Variants in ADCY1 observed in about 807,000 individuals in gnomAD.
The protein encoded by ADCY1 is adenylate cyclase 1.
A neutral mutation model predicts 105.4 loss-of-function variants in ADCY1; 28 were observed. The observed-to-expected ratio is 0.27, with a 90% CI of 0.20 to 0.36. The LOEUF (loss-of-function observed/expected upper bound fraction) is 0.36, where lower values mean the gene tolerates loss of function less well. Among genes scored for constraint, ADCY1 ranks in the 10% least tolerant of loss-of-function variants. ADCY1 has a pLI of 1.00. For missense variants in ADCY1, 977 were observed against 1,434.2 expected (o/e 0.68, Z 5.15); for synonymous variants, 655 against 623.8 (o/e 1.05, Z -0.75).
At chr7:45,633,534 T>C (rs1197753819) in intron 4 of ADCY1, among the ~76,000 whole-genome samples, 3 of 152,114 alleles carry the variant, frequency 2.0e-5, no homozygotes, top group African/African-American at 4.8e-5. Context: ...CCCGGCACGG[T>C]GGCTCATGCC....
intron 17 of ADCY1, among the ~76,000 whole-genome samples, chr7:45,707,972 A>C (rs909963343): frequency 6.6e-6 from 1 of 152,248 alleles, no homozygotes; most frequent in Non-Finnish European, 1.5e-5. Context: ...ATGTAGCCTC[A>C]ATCTCAAGGA....
intron 5 of ADCY1, among the ~76,000 whole-genome samples, chr7:45,649,159 A>G (rs903751524): frequency 3.9e-5 from 6 of 152,194 alleles, no homozygotes; most frequent in South Asian, 2.1e-4. Context: ...ATTCTCTATT[A>G]AAAGGAAGTA....
intron 11 of ADCY1, among the ~76,000 whole-genome samples, chr7:45,680,149 G>T (rs1232603191): frequency 1.3e-5 from 2 of 152,182 alleles, no homozygotes; most frequent in African/African-American, 4.8e-5. Flanking sequence ...GTACCTGGTG[G>T]GCACAATAGA....
chr7:45,636,156 T>A (rs1367745132), intron 4 of ADCY1, among the ~76,000 whole-genome samples: 1 of 152,228 alleles, frequency 6.6e-6, no homozygotes, highest in Non-Finnish European at 1.5e-5. Flanking sequence ...CTTTGACTAT[T>A]GTCAGAAAGA....
chr7:45,614,050 C>T (rs946824276), intron 3 of ADCY1, among the ~76,000 whole-genome samples: 1 of 152,082 alleles, frequency 6.6e-6, no homozygotes, highest in Admixed American at 6.6e-5. Flanking sequence ...TGCAAAACAA[C>T]AACACAATAG....
chr7:45,643,063 T>A (rs1475701472), intron 4 of ADCY1, among the ~76,000 whole-genome samples: 1 of 151,978 alleles, frequency 6.6e-6, no homozygotes, highest in African/African-American at 2.4e-5. Context: ...GGTGTTAAAT[T>A]TCCTATTTTG....
intron 8 of ADCY1, among the ~76,000 whole-genome samples, chr7:45,663,021 G>A (rs1795173922): frequency 6.6e-6 from 1 of 152,222 alleles, no homozygotes; most frequent in African/African-American, 2.4e-5. Flanking sequence ...TCAAAGGGTG[G>A]TGACAGGGCA....
At chr7:45,679,264 A>G (rs1784514834) in intron 10 of ADCY1, among the ~76,000 whole-genome samples, 1 of 152,224 alleles carries the variant, frequency 6.6e-6, no homozygotes, top group Admixed American at 6.5e-5. Flanking sequence ...CCCAGCCCAC[A>G]GACACTGAAC....
intron 2 of ADCY1, among the ~76,000 whole-genome samples, chr7:45,608,910 C>T (rs1167338796): frequency 6.6e-6 from 1 of 152,140 alleles, no homozygotes; most frequent in Non-Finnish European, 1.5e-5. Flanking sequence ...ACCTCCAGGC[C>T]ACAGACTCCG....
At chr7:45,599,537 C>T (rs934075135) in intron 2 of ADCY1, among the ~76,000 whole-genome samples, 8 of 151,494 alleles carry the variant, frequency 5.3e-5, no homozygotes, top group African/African-American at 1.2e-4. Flanking sequence ...AGGAAGATGC[C>T]GGAGCTGGTT....
At chr7:45,596,141 T>G (rs566763793) in intron 2 of ADCY1, among the ~76,000 whole-genome samples, 1 of 152,350 alleles carries the variant, frequency 6.6e-6, no homozygotes, top group East Asian at 1.9e-4. Context: ...GCCTCATGTG[T>G]GTCAGCATGA....
Position 45,589,820 on chromosome 7 carries a change from G to C in ADCY1, c.640-2939G>C, listed in dbSNP as rs112860872. Among the ~76,000 whole-genome samples the C allele has an allele frequency of 2.8e-4, 43 of 152,092 alleles. No homozygotes were observed. In the South Asian group the frequency reaches 8.1e-3, roughly 29 times the overall value. ...TTTTTTTGAAGGGAGGCAGTGCCCA[G>C]CTCCTAGAGGAGTGGGTTGTTTGAT... On this transcript the variant is annotated intron_variant, in intron 1 of 19. Transcript: ENST00000297323.
At chr7:45,701,264 A>G (rs1039762580) in intron 14 of ADCY1, among the ~76,000 whole-genome samples, 1 of 152,170 alleles carries the variant, frequency 6.6e-6, no homozygotes, top group Non-Finnish European at 1.5e-5. Context: ...TAAGTGGCAC[A>G]GGGAAAGACA....
chr7:45,650,919 G>A (rs867258509), intron 5 of ADCY1, among the ~76,000 whole-genome samples: 1 of 152,134 alleles, frequency 6.6e-6, no homozygotes, highest in African/African-American at 2.4e-5. Flanking sequence ...TCCACTTTCT[G>A]GTTCACTTGC....
chr7:45,618,856 T>TG lies in ADCY1; in HGVS notation c.909-3776_909-3775insG, dbSNP rs1305862913. On this transcript the variant is annotated intron_variant, in intron 3 of 19. Coordinates refer to ENST00000297323, the MANE Select transcript of ADCY1 (RefSeq NM_021116.4). Reference sequence around the variant, plus strand: ...CTATCATATGATCCAGCAATCCCAGTACTGGGTATATATCCAAAGGGAAAT... The same window carrying TG: ...CTATCATATGATCCAGCAATCCCAGTGACTGGGTATATATCCAAAGGGAAAT... Among the ~76,000 whole-genome samples, 29 of 152,208 alleles carry TG rather than the reference T, an allele frequency of 1.9e-4. 1 individual carries two copies. Among genetic ancestry groups the TG allele is most frequent in the Admixed American group, 1.9e-3 (29 of 15,284 alleles).
chr7:45,644,159 C>T (rs1041444543), intron 4 of ADCY1, among the ~76,000 whole-genome samples: 5 of 152,190 alleles, frequency 3.3e-5, no homozygotes, highest in African/African-American at 4.8e-5. Flanking sequence ...CTCCTTCTCC[C>T]AGGTATCTGT....
chr7:45,669,387 A>G (rs1047586830), intron 8 of ADCY1, among the ~76,000 whole-genome samples: 2 of 152,112 alleles, frequency 1.3e-5, no homozygotes, highest in Admixed American at 1.3e-4. Context: ...TTCATTATGT[A>G]CCCAGTAGTC....
chr7:45,673,145 A>G (rs1255749087), intron 8 of ADCY1, among the ~76,000 whole-genome samples: 1 of 152,114 alleles, frequency 6.6e-6, no homozygotes, highest in South Asian at 2.1e-4. Flanking sequence ...TGTTTATTCT[A>G]TATAATTCTA....
In ADCY1 at chr7:45,592,883, G is replaced by A. The variant is rs561972733; in HGVS notation, c.764G>A (p.Arg255Lys). Residue 255 changes from arginine to lysine, a missense_variant, in exon 2 of 20, where the codon AGG becomes AAG. Physicochemically the swap from Arg to Lys is conservative, Grantham distance 26. This residue lies in a region of ADCY1 where 196 missense variants were observed against 347.8 expected (regional missense o/e 0.56). Coordinates refer to ENST00000297323, the MANE Select transcript of ADCY1 (RefSeq NM_021116.4). Reference sequence around the variant, plus strand: ...CGGAGCTGCATTGAGGACCGACTGAGGCTGGAGGATGAGAACGAGAAGCAG... The same window carrying A: ...CGGAGCTGCATTGAGGACCGACTGAAGCTGGAGGATGAGAACGAGAAGCAG... ...QARSCIEDRLRLEDENEKQER... is the reference protein window; with the variant it reads ...QARSCIEDRLKLEDENEKQER... 4.3e-5 allele frequency: 70 copies of A among 1,614,216 alleles called. No homozygotes were observed. In the South Asian group the frequency reaches 7.7e-4, roughly 18 times the overall value.
Sources: allele counts gnomAD v4.1 joint callset (sites outside exome capture counted in the v4.1 genomes callset), GRCh38; gene constraint gnomAD v4.1.1; regional missense constraint gnomAD v4.1.1; transcripts MANE v1.5; gene names NCBI Gene and HGNC (gene_info 2026-07-23, HGNC 2026-07-21).